Variants in KMT2C observed in about 807,000 individuals in gnomAD.
The protein encoded by KMT2C is lysine methyltransferase 2C, also known as histone-lysine N-methyltransferase 2C.
Under a neutral mutation model 507.9 loss-of-function variants are expected in KMT2C, and 88 were observed. The observed-to-expected ratio is 0.17, with a 90% CI of 0.15 to 0.21. The LOEUF (loss-of-function observed/expected upper bound fraction) is 0.21. KMT2C is among the 10% of genes least tolerant of loss of function. The probability of loss-of-function intolerance (pLI) is 1.00; values close to 1 mark genes in which losing one functional copy is unlikely to be tolerated. For synonymous variants in KMT2C, 2,049 were observed against 2,080.8 expected (o/e 0.98, Z 0.42); for missense variants, 4,954 against 5,957.8 (o/e 0.83, Z 5.55).
intron 8 of KMT2C, 143 bp from the exon 9 acceptor site, chr7:152,263,273 A>C: frequency 1.6e-6 from 1 of 637,548 alleles, no homozygotes; most frequent in Non-Finnish European, 2.6e-6. Flanking sequence ...ATAGTAACAG[A>C]GGTAACCCTG....
At chr7:152,276,527 T>A (rs550531559) in intron 6 of KMT2C, among the ~76,000 whole-genome samples, 1 of 152,034 alleles carries the variant, frequency 6.6e-6, no homozygotes, top group Admixed American at 6.5e-5. Flanking sequence ...CTGAGGCAGG[T>A]GGATCATTTG....
chr7:152,165,720 C>T (rs1471764709), intron 42 of KMT2C, among the ~76,000 whole-genome samples: 1 of 152,034 alleles, frequency 6.6e-6, no homozygotes, highest in African/African-American at 2.4e-5. Context: ...AAGAGTTTTG[C>T]TCTTGTTGCC....
chr7:152,192,456 C>T (rs1237530642), intron 31 of KMT2C, among the ~76,000 whole-genome samples: 1 of 151,770 alleles, frequency 6.6e-6, no homozygotes, highest in Admixed American at 6.6e-5. Context: ...CCAGAAGAAT[C>T]GCTGAACTCA....
chr7:152,310,560 G>A (rs539186868), intron 5 of KMT2C, among the ~76,000 whole-genome samples: 3 of 152,262 alleles, frequency 2.0e-5, no homozygotes, highest in Admixed American at 6.5e-5. Flanking sequence ...GCAAGACTCC[G>A]TCTCAAAATA....
intron 6 of KMT2C, among the ~76,000 whole-genome samples, chr7:152,306,834 G>T (rs140073697): frequency 6.6e-6 from 1 of 152,292 alleles, no homozygotes; most frequent in Non-Finnish European, 1.5e-5. Flanking sequence ...CTAGCTAACT[G>T]GTCCATCTTG....
At chr7:152,356,726 T>C (rs1421839660) in intron 2 of KMT2C, among the ~76,000 whole-genome samples, 1 of 149,122 alleles carries the variant, frequency 6.7e-6, no homozygotes, top group African/African-American at 2.5e-5. Context: ...CCATCTCTAC[T>C]AAAAAATACA....
chr7:152,220,445 T>A, intron 23 of KMT2C, 78 bp downstream of exon 23: 1 of 1,130,406 alleles, frequency 8.8e-7, no homozygotes, highest in East Asian at 2.4e-5. Context: ...CTTTGGTAAA[T>A]CATACACATA....
intron 3 of KMT2C, among the ~76,000 whole-genome samples, chr7:152,327,866 A>G (rs570830047): frequency 6.6e-5 from 10 of 151,510 alleles, no homozygotes; most frequent in African/African-American, 1.9e-4. Context: ...GCTGAGGCAG[A>G]AGAATGGCGT....
At chr7:152,176,056 C>T in intron 38 of KMT2C, 135 bp downstream of exon 38, 1 of 965,240 alleles carries the variant, frequency 1.0e-6, no homozygotes, top group Non-Finnish European at 1.5e-6. Flanking sequence ...ACAAAACAAA[C>T]AAACTCCTCA....
intron 1 of KMT2C, among the ~76,000 whole-genome samples, chr7:152,388,750 C>CA (rs2097458501): frequency 4.1e-5 from 6 of 148,120 alleles, no homozygotes; most frequent in East Asian, 4.0e-4. Context: ...ACTACTTAGA[C>CA]TTTTTTTTTT....
chr7:152,236,572 A>AACAGTAT (rs1384359443), intron 15 of KMT2C, among the ~76,000 whole-genome samples: 1 of 152,234 alleles, frequency 6.6e-6, no homozygotes, highest in South Asian at 2.1e-4. Flanking sequence ...AGTGTTGTGT[A>AACAGTAT]ACAGTATTCT....
At chr7:152,329,369 A>C (rs966787179) in intron 3 of KMT2C, among the ~76,000 whole-genome samples, 2 of 152,008 alleles carry the variant, frequency 1.3e-5, no homozygotes, top group African/African-American at 4.8e-5. Context: ...GTTCCAGACC[A>C]ACCTGGATAA....
At chr7:152,401,510 G>C (rs962035985) in intron 1 of KMT2C, among the ~76,000 whole-genome samples, 2 of 151,778 alleles carry the variant, frequency 1.3e-5, no homozygotes, top group African/African-American at 4.8e-5. Context: ...GGCCAACATG[G>C]AGAAGCCCCG....
intron 1 of KMT2C, among the ~76,000 whole-genome samples, chr7:152,420,881 C>CAACTA (rs1408098816): frequency 6.6e-6 from 1 of 150,764 alleles, no homozygotes; most frequent in African/African-American, 2.4e-5. Flanking sequence ...CTTAAATCAA[C>CAACTA]AAGCAAAAAA....
At chr7:152,271,086 T>G (rs2095957755) in intron 7 of KMT2C, among the ~76,000 whole-genome samples, 1 of 152,214 alleles carries the variant, frequency 6.6e-6, no homozygotes, top group Non-Finnish European at 1.5e-5. Context: ...CTACCCTTTT[T>G]AAAGCAATTA....
chr7:152,259,344 A>G (rs2095716220), intron 9 of KMT2C, among the ~76,000 whole-genome samples: 1 of 152,012 alleles, frequency 6.6e-6, no homozygotes, highest in Non-Finnish European at 1.5e-5. Flanking sequence ...CTATTAAGAA[A>G]TACATACTGA....
At chr7:152,356,894 A>AAATAATAATAAT (rs1554673242) in intron 2 of KMT2C, among the ~76,000 whole-genome samples, 2 of 72,182 alleles carry the variant, frequency 2.8e-5, no homozygotes, top group African/African-American at 9.4e-5. Context: ...TCCAACTCAA[A>AAATAATAATAAT]AAGAATAATA....
intron 1 of KMT2C, among the ~76,000 whole-genome samples, chr7:152,415,793 C>A (rs73491339): frequency 8.1e-6 from 1 of 122,992 alleles, no homozygotes; most frequent in African/African-American, 3.1e-5. Context: ...GGCAGGAGAA[C>A]TGCTTGAACC....
chr7:152,180,744 A>G lies in KMT2C; in HGVS notation c.7116T>C (p.Asn2372=). 6.2e-7 allele frequency: 1 copy of G among 1,613,892 alleles called. No individual in the cohort carries two copies. The highest frequency in any genetic ancestry group is 1.1e-5 in the South Asian group (1 of 91,052). Residue 2372 remains asparagine (N), a synonymous_variant, in exon 36 of 59, where the codon AAT becomes AAC. Coordinates refer to ENST00000262189, the MANE Select transcript of KMT2C (RefSeq NM_170606.3). ...SGVTDTQNTV[N]MAQADTEKLR... is the part of the protein sequence containing the mutation. The stretch of plus-strand genomic sequence containing the variant: ...ATTTCTCTGTATCTGCTTGGGCCAT[A>G]TTTACAGTATTCTGTGTATCAGTTA...
Sources: gnomAD v4.1 joint callset for allele counts (sites outside exome capture counted in the v4.1 genomes callset) on GRCh38, gnomAD v4.1.1 for gene constraint, MANE v1.5 for transcripts, NCBI Gene and HGNC (gene_info 2026-07-23, HGNC 2026-07-21) for gene names.